Variants in TRIO observed in about 807,000 individuals in gnomAD.
TRIO encodes triple functional domain protein.
TRIO carries 58 observed loss-of-function variants against 351.9 expected under a neutral mutation model. That is an observed-to-expected ratio of 0.16 (90% CI 0.13 to 0.21). The LOEUF is 0.21. Among genes scored for constraint, TRIO ranks in the 10% least tolerant of loss-of-function variants. The probability of loss-of-function intolerance (pLI) is 1.00; values close to 1 mark genes in which losing one functional copy is unlikely to be tolerated. For synonymous variants in TRIO, 1,758 were observed against 1,595.7 expected (o/e 1.10, Z -2.42); for missense variants, 3,201 against 4,027.8 (o/e 0.79, Z 5.56).
intron 27 of TRIO, among the ~76,000 whole-genome samples, chr5:14,392,890 C>G (rs1289049737): frequency 4.0e-5 from 6 of 151,524 alleles, no homozygotes; most frequent in African/African-American, 1.5e-4. Flanking sequence ...ACTAAAAATA[C>G]AAAAAAAATT....
intron 11 of TRIO, among the ~76,000 whole-genome samples, chr5:14,348,134 C>G (rs1424721749): frequency 1.3e-5 from 2 of 152,178 alleles, no homozygotes; most frequent in African/African-American, 2.4e-5. Context: ...GTTGTCCAGT[C>G]CCTATGTCGT....
chr5:14,362,060 G>A (rs1436702941), intron 13 of TRIO, among the ~76,000 whole-genome samples: 2 of 152,188 alleles, frequency 1.3e-5, no homozygotes, highest in Non-Finnish European at 2.9e-5. Flanking sequence ...GTTGCCATGA[G>A]GGGAGATTGC....
intron 1 of TRIO, among the ~76,000 whole-genome samples, chr5:14,202,294 A>T (rs1329093411): frequency 6.7e-3 from 226 of 33,548 alleles, no homozygotes; most frequent in African/African-American, 0.021. Context: ...TATTTTTGTG[A>T]TTTTTTTTTT....
At chr5:14,274,665 C>G (rs924173833) in intron 2 of TRIO, among the ~76,000 whole-genome samples, 1 of 152,116 alleles carries the variant, frequency 6.6e-6, no homozygotes, top group Non-Finnish European at 1.5e-5. Context: ...GTGATTGGTT[C>G]CTGTCCGTAA....
intron 1 of TRIO, among the ~76,000 whole-genome samples, chr5:14,230,559 A>C (rs1204322421): frequency 6.6e-6 from 1 of 152,160 alleles, no homozygotes. Flanking sequence ...GGAACCGCAG[A>C]GGGATGATAA....
At chr5:14,332,546 A>G (rs536118579) in intron 10 of TRIO, among the ~76,000 whole-genome samples, 1 of 152,346 alleles carries the variant, frequency 6.6e-6, no homozygotes, top group African/African-American at 2.4e-5. Flanking sequence ...TTGGTTCCTA[A>G]TATAAGATGT....
rs555481295 is a variant in TRIO, at chr5:14,378,734, A to G, written c.3447+607A>G. ...ACCACCACGCCTGGGTAATTTTTAT[A>G]TTTTCAGTGGAGATGAGGTTTCACC... On this transcript the variant is annotated intron_variant, in intron 20 of 56. Coordinates refer to ENST00000344204, the MANE Select transcript of TRIO (RefSeq NM_007118.4). 4.6e-5 allele frequency among the ~76,000 whole-genome samples: 7 copies of G among 151,834 alleles called. No homozygotes were observed. In the South Asian group the frequency reaches 1.5e-3, roughly 32 times the overall value.
At chr5:14,481,416 C>T (rs1755504239) in intron 44 of TRIO, 125 bp from the exon 45 acceptor site, 6 of 1,457,796 alleles carry the variant, frequency 4.1e-6, no homozygotes, top group Non-Finnish European at 5.7e-6. Flanking sequence ...TCCAGTGCAT[C>T]TCCATAAGCC....
chr5:14,432,238 G>GA (rs1751216349), intron 34 of TRIO, among the ~76,000 whole-genome samples: 2 of 151,944 alleles, frequency 1.3e-5, no homozygotes, highest in African/African-American at 4.8e-5. Flanking sequence ...GGGAAGCACA[G>GA]AAAAATCACG....
intron 15 of TRIO, 84 bp downstream of exon 15, chr5:14,364,900 C>T: frequency 6.8e-7 from 1 of 1,478,310 alleles, no homozygotes; most frequent in South Asian, 1.4e-5. Context: ...TGACCTGTAG[C>T]ATTGGGAAGG....
At chr5:14,387,918 C>T (rs1746686764) in intron 23 of TRIO, 71 bp downstream of exon 23, 2 of 1,505,390 alleles carry the variant, frequency 1.3e-6, no homozygotes, top group African/African-American at 2.8e-5. Flanking sequence ...GACAGACATG[C>T]TTCTGTGTGT....
chr5:14,462,703 A>T (rs1008257886), intron 35 of TRIO, 52 bp from the exon 36 acceptor site: 2 of 1,605,504 alleles, frequency 1.2e-6, no homozygotes, highest in Admixed American at 3.4e-5. Flanking sequence ...CCCTTGGTCC[A>T]CGTCTGTGAA....
intron 1 of TRIO, among the ~76,000 whole-genome samples, chr5:14,247,108 C>T (rs1294444074): frequency 1.3e-5 from 2 of 152,264 alleles, no homozygotes; most frequent in Non-Finnish European, 2.9e-5. Context: ...TGAGCAAGGG[C>T]TGGCACCTGC....
At chr5:14,273,536 A>G (rs555654378) in intron 2 of TRIO, among the ~76,000 whole-genome samples, 3 of 152,214 alleles carry the variant, frequency 2.0e-5, no homozygotes, top group Non-Finnish European at 4.4e-5. Context: ...GTGTGATGCT[A>G]TTAAGAGGTG....
intron 3 of TRIO, among the ~76,000 whole-genome samples, chr5:14,281,778 A>G (rs538721669): frequency 6.6e-6 from 1 of 152,220 alleles, no homozygotes; most frequent in South Asian, 2.1e-4. Flanking sequence ...AAGAGACTAA[A>G]TGAGGATGTG....
At chr5:14,199,779 T>A (rs1490005266) in intron 1 of TRIO, among the ~76,000 whole-genome samples, 2 of 152,194 alleles carry the variant, frequency 1.3e-5, no homozygotes, top group Non-Finnish European at 2.9e-5. Flanking sequence ...CCAGGTGGCA[T>A]CTTGAGATTT....
intron 7 of TRIO, among the ~76,000 whole-genome samples, chr5:14,297,770 C>T (rs951873431): frequency 5.3e-5 from 8 of 152,206 alleles, no homozygotes; most frequent in Non-Finnish European, 8.8e-5. Flanking sequence ...TCTAGCTGCA[C>T]GGCTATGGAG....
intron 34 of TRIO, among the ~76,000 whole-genome samples, chr5:14,426,391 A>G (rs567597398): frequency 1.6e-4 from 24 of 152,230 alleles, no homozygotes; most frequent in Non-Finnish European, 2.1e-4. Context: ...AAATGTATTC[A>G]GTGAGCTCAT....
In TRIO at chr5:14,377,897, T is replaced by A. The variant is rs16903440; in HGVS notation, c.3332-115T>A. On this transcript the variant is annotated intron_variant, in intron 19 of 56. Coordinates refer to ENST00000344204, the MANE Select transcript of TRIO (RefSeq NM_007118.4). ...GGAAAGCAGTGTGATTCTTTATTTA[T>A]CGTGCTGTCTTGCAATGGCATTTGC... 4.9e-3 allele frequency: 3,536 copies of A among 727,706 alleles called. 86 individuals are homozygous for A. The African/African-American group carries it at 0.053, about 11-fold the overall frequency. The allele number at this position is 727,706 out of a possible 1,614,324, so 45.1% of individuals were successfully genotyped here.
Sources: allele counts gnomAD v4.1 joint callset (sites outside exome capture counted in the v4.1 genomes callset), GRCh38; gene constraint gnomAD v4.1.1; transcripts MANE v1.5; gene names NCBI Gene and HGNC (gene_info 2026-07-23, HGNC 2026-07-21).